LIMK2: variants seen among roughly 807,000 people sequenced by gnomAD.
The protein encoded by LIMK2 is LIM domain kinase 2.
LIMK2 carries 35 observed loss-of-function variants against 75.7 expected under a neutral mutation model. The ratio of observed to expected loss-of-function variants is 0.46; its 90% CI spans 0.35 to 0.61. LIMK2 has a LOEUF of 0.61. LIMK2 is among the 20% of genes least tolerant of loss of function. The pLI is 0.00. For synonymous variants in LIMK2, 301 were observed against 319.2 expected (o/e 0.94, Z 0.61); for missense variants, 623 against 831.0 (o/e 0.75, Z 3.08).
chr22:31,261,530 A>G (rs2048838971), intron 5 of LIMK2, among the ~76,000 whole-genome samples: 1 of 148,166 alleles, frequency 6.7e-6, no homozygotes. Context: ...TGAGCGACAG[A>G]GCGAGACTCC....
intron 1 of LIMK2, chr22:31,222,935 T>C (rs1216050673): frequency 6.6e-6 from 1 of 152,094 alleles, no homozygotes; most frequent in South Asian, 2.1e-4. Context: ...GCTGTAAAGA[T>C]AACTAAAAGT....
intron 7 of LIMK2, among the ~76,000 whole-genome samples, chr22:31,263,835 A>T (rs2048865336): frequency 6.6e-6 from 1 of 152,114 alleles, no homozygotes; most frequent in South Asian, 2.1e-4. Context: ...TACAAAGAAT[A>T]AAAAACTTAA....
intron 1 of LIMK2, among the ~76,000 whole-genome samples, chr22:31,214,150 T>C (rs939848582): frequency 6.6e-6 from 1 of 152,058 alleles, no homozygotes; most frequent in Non-Finnish European, 1.5e-5. Flanking sequence ...AGCTGTGTAA[T>C]ATAGGTTGCC....
intron 2 of LIMK2, among the ~76,000 whole-genome samples, chr22:31,232,107 G>T (rs2048534059): frequency 6.6e-6 from 1 of 151,936 alleles, no homozygotes; most frequent in South Asian, 2.1e-4. Flanking sequence ...AAGCCACTGT[G>T]CCTGGCCAGT....
intron 2 of LIMK2, among the ~76,000 whole-genome samples, chr22:31,233,864 AGG>A (rs1222184675): frequency 6.6e-6 from 1 of 152,110 alleles, no homozygotes; most frequent in East Asian, 1.9e-4. Flanking sequence ...ATATTTTGGT[AGG>A]TTTACTTCTT....
At position 31,277,649 on chromosome 22, in the gene LIMK2, A is replaced by G. The variant is rs571962219; in HGVS notation, c.1773-648A>G. Reference sequence around the variant, plus strand: ...TATATATATACAGTATTGAATGCCTACTGTGTGCTAGGTACAGTTCTAAAC... The same window carrying G: ...TATATATATACAGTATTGAATGCCTGCTGTGTGCTAGGTACAGTTCTAAAC... On this transcript the variant is annotated intron_variant, in intron 15 of 15. Coordinates refer to ENST00000331728, the MANE Select transcript of LIMK2 (RefSeq NM_005569.4). 3.6e-5 allele frequency: 24 copies of G among 669,220 alleles called. No individual in the cohort carries two copies. The East Asian group carries it at 2.3e-3, about 64-fold the overall frequency. 41.5% of individuals were successfully genotyped at this position (669,220 alleles called of 1,614,324 possible). A position where few individuals can be genotyped will look rare whatever the true frequency, so the allele number is the denominator to read the frequency against.
chr22:31,217,445 C>G (rs560740210), intron 1 of LIMK2, among the ~76,000 whole-genome samples: 41 of 151,586 alleles, frequency 2.7e-4, no homozygotes, highest in African/African-American at 9.4e-4. Context: ...GTGGTCTAAT[C>G]CCAGCTCAAA....
Position 31,278,302 on chromosome 22 carries a change from C to A in LIMK2, c.1778C>A (p.Ala593Glu). Reference protein sequence around the residue: ...CCRLEPESRPAFSKLEDSFEA... With the variant: ...CCRLEPESRPEFSKLEDSFEA... ...TTTACCTCTTTTCCTTCTAGACCAG[C>A]ATTCTCGAAATTGGAGGACTCCTTT... The change falls in exon 16 of 16, where the codon GCA becomes GAA. Residue 593 changes from alanine to glutamate, a missense_variant. By Grantham distance (107) the Ala-to-Glu change is moderately radical (BLOSUM62 -1). Around this residue, in one of 3 missense-constraint regions of LIMK2, gnomAD observed 63 missense variants for 122.8 expected, o/e 0.51. Transcript: ENST00000331728. 1 of 1,611,924 alleles carries A rather than the reference C, an allele frequency of 6.2e-7. No homozygotes were observed. Among genetic ancestry groups the A allele is most frequent in the Non-Finnish European group, 8.5e-7 (1 of 1,178,976 alleles).
In LIMK2 at chr22:31,266,081, C is replaced by G; in HGVS notation, c.990C>G (p.Asp330Glu). Residue 330 changes from aspartate (D) to glutamate (E), a missense_variant, in exon 8 of 16, where the codon GAC (aspartate) becomes GAG (glutamate). Coordinates refer to ENST00000331728, the MANE Select transcript of LIMK2 (RefSeq NM_005569.4). Reference sequence around the variant, plus strand: ...CACAGCAGATCTTCCGGCCCTGTGACCTAATCCATGGGGAGGTCCTGGGGA... The same window carrying G: ...CACAGCAGATCTTCCGGCCCTGTGAGCTAATCCATGGGGAGGTCCTGGGGA... ...SYSQQIFRPC[D>E]LIHGEVLGKG... 6.2e-7 allele frequency: 1 copy of G among 1,614,222 alleles called. No individual in the cohort carries two copies. Among genetic ancestry groups the G allele is most frequent in the Non-Finnish European group, 8.5e-7 (1 of 1,180,036 alleles).
chr22:31,260,515 G>C (rs1168022700), intron 5 of LIMK2, among the ~76,000 whole-genome samples: 2 of 152,236 alleles, frequency 1.3e-5, no homozygotes, highest in Non-Finnish European at 2.9e-5. Flanking sequence ...AGAATGAATG[G>C]AGAAAATGTG....
At chr22:31,259,864 A>G (rs910331132) in intron 4 of LIMK2, 25 bp from the exon 5 acceptor site, 8 of 1,584,110 alleles carry the variant, frequency 5.1e-6, no homozygotes, top group Non-Finnish European at 6.8e-6. Flanking sequence ...CTAGCATCTT[A>G]TTCCCCCCTG....
intron 2 of LIMK2, among the ~76,000 whole-genome samples, chr22:31,254,068 C>A (rs184758199): frequency 2.9e-3 from 439 of 152,330 alleles, no homozygotes; most frequent in African/African-American, 0.01. Flanking sequence ...CCTTTAAAGG[C>A]ATTCCTTGAC....
intron 15 of LIMK2, among the ~76,000 whole-genome samples, chr22:31,277,792 A>T (rs1432881210): frequency 6.6e-6 from 1 of 152,146 alleles, no homozygotes; most frequent in Non-Finnish European, 1.5e-5. Context: ...TGAATATTAG[A>T]ATGTGGCAGA....
At chr22:31,245,866 C>CA (rs1370066608) in intron 2 of LIMK2, among the ~76,000 whole-genome samples, 1 of 150,944 alleles carries the variant, frequency 6.6e-6, no homozygotes, top group Non-Finnish European at 1.5e-5. Flanking sequence ...CCTGTCTCTA[C>CA]AAAAAATAAA....
chr22:31,273,518 G>A lies in LIMK2; in HGVS notation c.1614+11G>A, dbSNP rs777004061. On this transcript the variant is annotated intron_variant, in intron 14 of 15. Transcript: ENST00000331728. ...ATCGTTCTCTGTGAGGTGAGCTCTG[G>A]CACCAAGGCCATGCCCGAGGCAGCA... is the stretch of plus-strand genomic sequence containing the variant. The A allele has an allele frequency of 1.2e-6, 2 of 1,612,742 alleles. No homozygotes were observed. Among genetic ancestry groups the A allele is most frequent in the Non-Finnish European group, 8.5e-7 (1 of 1,178,852 alleles).
At chr22:31,232,136 T>C (rs1386444163) in intron 2 of LIMK2, among the ~76,000 whole-genome samples, 3 of 151,076 alleles carry the variant, frequency 2.0e-5, no homozygotes, top group African/African-American at 7.3e-5. Context: ...CATTTTATAC[T>C]AAAACAGGAA....
intron 1 of LIMK2, among the ~76,000 whole-genome samples, chr22:31,221,776 C>A (rs1255405280): frequency 1.3e-5 from 2 of 152,194 alleles, no homozygotes; most frequent in Non-Finnish European, 2.9e-5. Context: ...AGCCACTGCG[C>A]CCGGCCCTCA....
At chr22:31,222,301 C>T (rs80134635) in intron 1 of LIMK2, among the ~76,000 whole-genome samples, 2 of 150,250 alleles carry the variant, frequency 1.3e-5, no homozygotes, top group Non-Finnish European at 3.0e-5. Flanking sequence ...AAATTCCCGA[C>T]CTCAGGTGAT....
intron 1 of LIMK2, among the ~76,000 whole-genome samples, chr22:31,221,538 G>A (rs2048434193): frequency 6.6e-6 from 1 of 152,116 alleles, no homozygotes; most frequent in Non-Finnish European, 1.5e-5. Context: ...AAGCTGGAAT[G>A]CAGTGGAATG....
Sources: allele counts gnomAD v4.1 joint callset (sites outside exome capture counted in the v4.1 genomes callset), GRCh38; gene constraint gnomAD v4.1.1; regional missense constraint gnomAD v4.1.1; transcripts MANE v1.5; gene names NCBI Gene and HGNC (gene_info 2026-07-23, HGNC 2026-07-21).